Variants in EXOC3L2 observed in about 807,000 individuals in gnomAD.
EXOC3L2 encodes exocyst complex component 3 like 2.
Under a neutral mutation model 44.4 loss-of-function variants are expected in EXOC3L2, and 17 were observed. That is an observed-to-expected ratio of 0.38 (90% CI 0.26 to 0.57). The LOEUF is 0.57. Ranked by LOEUF, EXOC3L2 falls within the 20% of genes least tolerant of loss-of-function variation. EXOC3L2 has a pLI of 0.65. For synonymous variants in EXOC3L2, 256 were observed against 253.7 expected (o/e 1.01, Z -0.09); for missense variants, 541 against 588.4 (o/e 0.92, Z 0.83).
chr19:45,244,296 C>T (rs898414596), intron 1 of EXOC3L2, among the ~76,000 whole-genome samples: 1 of 151,866 alleles, frequency 6.6e-6, no homozygotes, highest in Non-Finnish European at 1.5e-5. Flanking sequence ...CCCCTCCACC[C>T]CATAACTGTC....
chr19:45,240,537 CTAGA>C (rs1484954898), intron 1 of EXOC3L2, among the ~76,000 whole-genome samples: 1 of 152,072 alleles, frequency 6.6e-6, no homozygotes, highest in Non-Finnish European at 1.5e-5. Context: ...CACTCTGGAA[CTAGA>C]TAAAGGTGAT....
intron 8 of EXOC3L2, among the ~76,000 whole-genome samples, chr19:45,221,644 C>CT (rs373572170): frequency 0.033 from 3,066 of 91,722 alleles, 109 homozygotes; most frequent in African/African-American, 0.055. Context: ...CCCAGCAGGG[C>CT]TTTTTTTTTT....
intron 9 of EXOC3L2, 39 bp downstream of exon 9, chr19:45,218,158 T>TGCCCC: frequency 1.2e-4 from 122 of 1,034,874 alleles, no homozygotes; most frequent in Non-Finnish European, 1.5e-4. Flanking sequence ...TCCCCTCTTT[T>TGCCCC]CCCCCACCCC....
chr19:45,228,427 A>G (rs1483507539), intron 4 of EXOC3L2, among the ~76,000 whole-genome samples, 161 bp from the exon 5 acceptor site: 5 of 152,116 alleles, frequency 3.3e-5, no homozygotes, highest in Admixed American at 3.3e-4. Context: ...AGGCTGAGCC[A>G]GAAAACTTCT....
At position 45,224,890 on chromosome 19, in the gene EXOC3L2, C is replaced by T. The variant is rs151207947; in HGVS notation, c.1607G>A (p.Arg536Gln). 5.9e-5 allele frequency: 92 copies of T among 1,558,812 alleles called. No homozygotes were observed. Among genetic ancestry groups the T allele is most frequent in the Middle Eastern group, 3.4e-4 (2 of 5,820 alleles). Residue 536 changes from arginine to glutamine, a missense_variant, in exon 8 of 12, where the codon CGG becomes CAG. By Grantham distance (43) the Arg-to-Gln change is conservative (BLOSUM62 1). Coordinates refer to ENST00000413988, the MANE Select transcript of EXOC3L2 (RefSeq NM_001382422.1). ...CGGCTCGCTTTCTGGGGGCCCCACC[C>T]GGGCCAGGCGCTCGGCCAGAGCTCT... ...PLRALAERLA[R>Q]VGPPESEPAR...
At position 45,226,747 on chromosome 19, in the gene EXOC3L2, C is replaced by CTTTTTTTTTT. The variant is rs957385712; in HGVS notation, c.1583+905_1583+914dup. 2.6e-4 allele frequency among the ~76,000 whole-genome samples: 24 copies of CTTTTTTTTTT among 90,654 alleles called. 1 individual carries two copies. Among genetic ancestry groups the CTTTTTTTTTT allele is most frequent in the African/African-American group, 1.2e-3 (20 of 16,270 alleles). 59.5% of individuals were successfully genotyped at this position (90,654 alleles called of 152,430 possible). ...CACTGTGCCCAGCTGACTCCCATCT[C>CTTTTTTTTTT]TTTTTTTTTTTTTTTTTTTTTTTGA... On this transcript the variant is annotated intron_variant, in intron 7 of 11. Transcript: ENST00000413988.
intron 8 of EXOC3L2, among the ~76,000 whole-genome samples, chr19:45,220,893 A>C (rs776554463): frequency 7.2e-5 from 11 of 151,758 alleles, no homozygotes; most frequent in Non-Finnish European, 1.5e-4. Flanking sequence ...AAAGGGGGTG[A>C]GGAAGGGGAA....
In EXOC3L2 at chr19:45,234,276, C is replaced by T; in HGVS notation, c.1074G>A (p.Glu358=). The change falls in exon 3 of 12, where the codon GAG becomes GAA. Residue 358 remains glutamate, a synonymous_variant. Transcript: ENST00000413988. The surrounding 1 kb of genome is among the most constrained non-coding windows in gnomAD (Gnocchi z 5.0). The part of the protein sequence containing the change: ...YLRGYHGALA[E]WLGASARRRL... Reference sequence around the variant, plus strand: ...TGCGACGGGCGGAGGCCCCCAGCCACTCGGCCAGGGCCCCGTGGTAGCCGC... The same window carrying T: ...TGCGACGGGCGGAGGCCCCCAGCCATTCGGCCAGGGCCCCGTGGTAGCCGC... 2 of 394,998 alleles carry T rather than the reference C, an allele frequency of 5.1e-6. No homozygotes were observed. The highest frequency in any genetic ancestry group is 7.2e-5 in the East Asian group (2 of 27,854). 24.5% of individuals were successfully genotyped at this position (394,998 alleles called of 1,614,324 possible). A position where few individuals can be genotyped will look rare whatever the true frequency, so the allele number is the denominator to read the frequency against.
chr19:45,225,564 G>A (rs1037950432), intron 7 of EXOC3L2, among the ~76,000 whole-genome samples: 27 of 151,784 alleles, frequency 1.8e-4, no homozygotes, highest in African/African-American at 4.8e-4. Context: ...CGCCGCACCC[G>A]GCCAAGTCTG....
At chr19:45,218,019 G>C (rs1969855570) in intron 9 of EXOC3L2, among the ~76,000 whole-genome samples, 178 bp downstream of exon 9, 2 of 151,998 alleles carry the variant, frequency 1.3e-5, no homozygotes, top group Admixed American at 1.3e-4. Flanking sequence ...CGCAGACCCC[G>C]GGCAGGGGCC....
At chr19:45,225,044 G>A (rs1391151831) in intron 7 of EXOC3L2, 131 bp from the exon 8 acceptor site, 6 of 1,209,584 alleles carry the variant, frequency 5.0e-6, no homozygotes, top group Non-Finnish European at 6.4e-6. Flanking sequence ...GAAAGGTCAG[G>A]GACTCTGGAG....
At position 45,212,928 on chromosome 19, in the gene EXOC3L2, G is replaced by T. The variant is rs1351807607; in HGVS notation, c.*141C>A. ...GTTTCCCTTCTGTACAGGGAGTTTG[G>T]GGTTGGGTGAAAAGACATCTAAGGG... On this transcript the variant is annotated 3_prime_UTR_variant, in exon 12 of 12. Transcript: ENST00000413988. 8 of 958,024 alleles carry T rather than the reference G, an allele frequency of 8.4e-6. No individual in the cohort carries two copies. Among genetic ancestry groups the T allele is most frequent in the Non-Finnish European group, 1.2e-5 (8 of 693,426 alleles). 59.3% of individuals were successfully genotyped at this position (958,024 alleles called of 1,614,324 possible). A position where few individuals can be genotyped will look rare whatever the true frequency, so the allele number is the denominator to read the frequency against.
At chr19:45,232,129 C>A (rs1378031896) in intron 3 of EXOC3L2, among the ~76,000 whole-genome samples, 1 of 152,140 alleles carries the variant, frequency 6.6e-6, no homozygotes, top group Non-Finnish European at 1.5e-5. Flanking sequence ...GAAGATCTGA[C>A]ATGCAAGGCT....
At chr19:45,241,463 G>A (rs1568485362) in intron 1 of EXOC3L2, among the ~76,000 whole-genome samples, 1 of 137,524 alleles carries the variant, frequency 7.3e-6, no homozygotes, top group East Asian at 2.1e-4. Context: ...GGGCGACAGA[G>A]CAAGACTCCA....
chr19:45,224,139 G>C (rs892109793), intron 8 of EXOC3L2, among the ~76,000 whole-genome samples: 10 of 151,576 alleles, frequency 6.6e-5, no homozygotes, highest in East Asian at 2.0e-4. Flanking sequence ...GGCTGGCGTG[G>C]CTGGAGTGGG....
chr19:45,235,486 A>G (rs35569326), intron 2 of EXOC3L2, among the ~76,000 whole-genome samples: 53,635 of 151,166 alleles, frequency 0.35, 10,008 homozygotes, highest in African/African-American at 0.39. Context: ...CAGGGTGGTG[A>G]CTTGGAGATG....
chr19:45,221,485 G>A (rs28607628), intron 8 of EXOC3L2, among the ~76,000 whole-genome samples: 17,120 of 151,714 alleles, frequency 0.11, 1,250 homozygotes, highest in African/African-American at 0.21. Context: ...AGTAGCTGGG[G>A]CTACAGGCAC....
intron 8 of EXOC3L2, among the ~76,000 whole-genome samples, chr19:45,222,904 C>T (rs1969913555): frequency 6.6e-6 from 1 of 152,172 alleles, no homozygotes; most frequent in South Asian, 2.1e-4. Flanking sequence ...TACTCTCAAG[C>T]ACCTGGCACA....
chr19:45,227,088 CA>C (rs1477721879), intron 7 of EXOC3L2, among the ~76,000 whole-genome samples: 1 of 147,942 alleles, frequency 6.8e-6, no homozygotes, highest in Admixed American at 6.8e-5. Flanking sequence ...TTAAACTAAT[CA>C]AAAAGGATAA....
Sources: allele counts gnomAD v4.1 joint callset (sites outside exome capture counted in the v4.1 genomes callset), GRCh38; gene constraint gnomAD v4.1.1; non-coding constraint Gnocchi (gnomAD v3.1); transcripts MANE v1.5; gene names NCBI Gene and HGNC (gene_info 2026-07-23, HGNC 2026-07-21).